Variants in MPRIP observed in about 807,000 individuals in gnomAD.
MPRIP encodes the protein myosin phosphatase Rho interacting protein.
In MPRIP, 59 loss-of-function variants were observed where a neutral mutation model predicts 234.9. That is an observed-to-expected ratio of 0.25 (90% CI 0.20 to 0.31). MPRIP has a LOEUF of 0.31. Among genes scored for constraint, MPRIP ranks in the 10% least tolerant of loss-of-function variants. The pLI is 1.00. For missense variants in MPRIP, 2,436 were observed against 3,071.0 expected (o/e 0.79, Z 4.89); for synonymous variants, 1,144 against 1,263.9 (o/e 0.91, Z 2.01).
chr17:17,083,160 A>G (rs905393797), intron 3 of MPRIP, among the ~76,000 whole-genome samples: 4 of 152,122 alleles, frequency 2.6e-5, no homozygotes, highest in African/African-American at 9.7e-5. Context: ...TGTGCTAAGG[A>G]CTCATAATCT....
intron 15 of MPRIP, 74 bp from the exon 16 acceptor site, chr17:17,164,035 C>A: frequency 9.2e-7 from 1 of 1,083,022 alleles, no homozygotes; most frequent in Non-Finnish European, 1.3e-6. Flanking sequence ...TGTGGTTGTT[C>A]CTGGCCAGAG....
intron 4 of MPRIP, 145 bp from the exon 5 acceptor site, chr17:17,131,472 T>C: frequency 1.5e-6 from 1 of 659,616 alleles, no homozygotes; most frequent in South Asian, 1.8e-5. Context: ...CCAGGCTTGC[T>C]CTGTGGCACT....
At chr17:17,139,500 T>A (rs952921298) in intron 7 of MPRIP, among the ~76,000 whole-genome samples, 1 of 152,194 alleles carries the variant, frequency 6.6e-6, no homozygotes, top group Non-Finnish European at 1.5e-5. Context: ...GTTCAAACCA[T>A]AGTTCTGGAA....
At chr17:17,059,326 G>A (rs544994938) in intron 1 of MPRIP, among the ~76,000 whole-genome samples, 5 of 152,300 alleles carry the variant, frequency 3.3e-5, no homozygotes, top group South Asian at 4.1e-4. Context: ...GAGAGAGGAG[G>A]CAAAGGATGT....
intron 10 of MPRIP, 66 bp from the exon 11 acceptor site, chr17:17,147,244 GCGCACCGCC>G: frequency 7.0e-7 from 1 of 1,431,256 alleles, no homozygotes; most frequent in Non-Finnish European, 9.8e-7. Flanking sequence ...GGCTCTGGCT[GCGCACCGCC>G]GTGGCGTGGC....
chr17:17,051,377 A>G (rs890721868), intron 1 of MPRIP, among the ~76,000 whole-genome samples: 10 of 152,164 alleles, frequency 6.6e-5, no homozygotes, highest in Non-Finnish European at 4.4e-5. Flanking sequence ...TGACCTAAGA[A>G]AACGGGCTCT....
intron 1 of MPRIP, among the ~76,000 whole-genome samples, chr17:17,043,870 C>G (rs537670287): frequency 6.6e-6 from 1 of 152,326 alleles, no homozygotes; most frequent in African/African-American, 2.4e-5. Context: ...GCCATCATCT[C>G]CATCCTCTTC....
In MPRIP at chr17:17,093,467, TTTG is replaced by T. The variant is rs1267847971; in HGVS notation, c.267+15400_267+15402del. The stretch of plus-strand genomic sequence containing the variant: ...CATTGGTGTGATAGTGGGGCAGTAG[TTTG>T]TTGTTGTTATTTTTTCCGGGGCAGG... On this transcript the variant is annotated intron_variant, in intron 3 of 23. Transcript: ENST00000651222. Among the ~76,000 whole-genome samples, 20 of 152,140 alleles carry T rather than the reference TTTG, an allele frequency of 1.3e-4. No individual in the cohort carries two copies. The South Asian group carries it at 2.7e-3, about 21-fold the overall frequency.
chr17:17,166,686 A>G lies in MPRIP; in HGVS notation c.5095A>G (p.Thr1699Ala). Reference sequence around the variant, plus strand: ...CCAGGAGACCCTGCGGGGCACCCAGACGGCCCTGCGGCAGCACAAATGCCT... The same window carrying G: ...CCAGGAGACCCTGCGGGGCACCCAGGCGGCCCTGCGGCAGCACAAATGCCT... The part of the protein sequence containing the change: ...SIQETLRGTQ[T>A]ALRQHKCLLR... Residue 1699 changes from threonine (T) to alanine (A), a missense_variant, in exon 16 of 24, where the codon ACG (threonine) becomes GCG (alanine). This residue lies in a region of MPRIP where 1,998 missense variants were observed against 2,520.3 expected (regional missense o/e 0.79). Coordinates refer to ENST00000651222, the MANE Select transcript of MPRIP (RefSeq NM_001364716.4). The surrounding 1 kb of genome is among the most constrained non-coding windows in gnomAD (Gnocchi z 4.4). 1 of 1,303,672 alleles carries G rather than the reference A, an allele frequency of 7.7e-7. No individual in the cohort carries two copies. The highest frequency in any genetic ancestry group is 1.2e-5 in the South Asian group (1 of 80,972). 80.8% of individuals were successfully genotyped at this position (1,303,672 alleles called of 1,614,324 possible).
rs139232814 is a variant in MPRIP, at chr17:17,177,997, C to T, written c.7120+585C>T. Among the ~76,000 whole-genome samples the T allele has an allele frequency of 2.3e-3, 341 of 149,692 alleles. 1 individual carries two copies. The highest frequency in any genetic ancestry group is 0.017 in the Middle Eastern group (5 of 294). Reference sequence around the variant, plus strand: ...GGTGGAATGCAATGGCGTGATTTCACTGCAGCCTCCGCCTCCCAGGCTCAA... The same window carrying T: ...GGTGGAATGCAATGGCGTGATTTCATTGCAGCCTCCGCCTCCCAGGCTCAA... On this transcript the variant is annotated intron_variant, in intron 22 of 23. Coordinates refer to ENST00000651222, the MANE Select transcript of MPRIP (RefSeq NM_001364716.4).
At chr17:17,128,793 G>A (rs1484112789) in intron 4 of MPRIP, among the ~76,000 whole-genome samples, 2 of 152,140 alleles carry the variant, frequency 1.3e-5, no homozygotes, top group East Asian at 3.9e-4. Flanking sequence ...TGCACCCTGG[G>A]GACAAGTGCT....
intron 3 of MPRIP, among the ~76,000 whole-genome samples, chr17:17,120,238 C>T (rs1466397499): frequency 6.6e-6 from 1 of 152,170 alleles, no homozygotes; most frequent in South Asian, 2.1e-4. Flanking sequence ...CTCTTGTTTC[C>T]CTCTGGCTCT....
chr17:17,055,081 A>T (rs1394490345), intron 1 of MPRIP, among the ~76,000 whole-genome samples: 1 of 149,650 alleles, frequency 6.7e-6, no homozygotes, highest in Non-Finnish European at 1.5e-5. Context: ...TTTTTTTTAG[A>T]GGGTAGGAAG....
chr17:17,170,566 A>G (rs577567109), intron 16 of MPRIP, among the ~76,000 whole-genome samples: 54 of 152,254 alleles, frequency 3.5e-4, no homozygotes, highest in Non-Finnish European at 7.3e-4. Context: ...ATGCCCAGGC[A>G]TGCTGATAGG....
intron 23 of MPRIP, among the ~76,000 whole-genome samples, chr17:17,180,822 C>T (rs543081923): frequency 1.3e-4 from 20 of 152,354 alleles, no homozygotes; most frequent in African/African-American, 4.8e-4. Flanking sequence ...AGTTAATTGG[C>T]ACTCTAACCT....
At chr17:17,082,285 AT>A (rs71355536) in intron 3 of MPRIP, among the ~76,000 whole-genome samples, 256 of 88,694 alleles carry the variant, frequency 2.9e-3, no homozygotes, top group Middle Eastern at 9.8e-3. Context: ...GCTTTTTCCA[AT>A]TTTTTTTTTT....
Position 17,167,427 on chromosome 17 carries a change from G to A in MPRIP, c.5836G>A (p.Gly1946Ser), listed in dbSNP as rs893875772. The A allele has an allele frequency of 6.9e-6, 9 of 1,304,244 alleles. No individual in the cohort carries two copies. The East Asian group carries it at 3.9e-4, about 56-fold the overall frequency. The allele number at this position is 1,304,244 out of a possible 1,614,324, so 80.8% of individuals were successfully genotyped here. ...CAGCATGAGCATGTTCACCCTGCGGGGCAGGTATGAGGAGGAGATTCGGTG... is the reference window on the plus strand; with the variant it reads ...CAGCATGAGCATGTTCACCCTGCGGAGCAGGTATGAGGAGGAGATTCGGTG... ...KHSMSMFTLR[G>S]RYEEEIRCVV... Residue 1946 changes from glycine (G) to serine (S), a missense_variant, in exon 16 of 24, where the codon GGC (glycine) becomes AGC (serine). Coordinates refer to ENST00000651222, the MANE Select transcript of MPRIP (RefSeq NM_001364716.4). This position sits in a 1 kb window ranked among gnomAD's most constrained non-coding sequence, Gnocchi z 5.9.
intron 1 of MPRIP, among the ~76,000 whole-genome samples, chr17:17,055,274 T>G (rs547802884): frequency 2.1e-4 from 32 of 152,232 alleles, no homozygotes; most frequent in African/African-American, 6.5e-4. Flanking sequence ...GAAGCCATGC[T>G]TATCCCACTC....
At chr17:17,140,191 C>T (rs1484302603) in intron 7 of MPRIP, among the ~76,000 whole-genome samples, 1 of 152,146 alleles carries the variant, frequency 6.6e-6, no homozygotes, top group Non-Finnish European at 1.5e-5. Flanking sequence ...GGCTCCAGAG[C>T]AGGATCAGCT....
Sources: allele counts gnomAD v4.1 joint callset (sites outside exome capture counted in the v4.1 genomes callset), GRCh38; gene constraint gnomAD v4.1.1; regional missense constraint gnomAD v4.1.1; non-coding constraint Gnocchi (gnomAD v3.1); transcripts MANE v1.5; gene names NCBI Gene and HGNC (gene_info 2026-07-23, HGNC 2026-07-21).